The following LONRF2 variants were observed in gnomAD, a reference collection of about 807,000 sequenced individuals.
The protein encoded by LONRF2 is LON peptidase N-terminal domain and ring finger 2.
Under a neutral mutation model 66.6 loss-of-function variants are expected in LONRF2, and 35 were observed. That is an observed-to-expected ratio of 0.53 (90% CI 0.40 to 0.70). The LOEUF (loss-of-function observed/expected upper bound fraction) is 0.70, where lower values mean the gene tolerates loss of function less well. Ranked by LOEUF, LONRF2 falls within the 30% of genes least tolerant of loss-of-function variation. LONRF2 has a pLI of 0.00. For synonymous variants in LONRF2, 417 were observed against 418.1 expected, an observed-to-expected ratio of 1.00 and a Z score of 0.03; for missense variants, 902 against 1,002.1, an observed-to-expected ratio of 0.90 and a Z score of 1.35.
chr2:100,319,933 T>A (rs1009985396), intron 1 of LONRF2, among the ~76,000 whole-genome samples: 3 of 152,232 alleles, frequency 2.0e-5, no homozygotes, highest in African/African-American at 7.2e-5. Flanking sequence ...TGCAGTCCCA[T>A]TAGCAGCATA....
intron 1 of LONRF2, among the ~76,000 whole-genome samples, chr2:100,320,092 A>G (rs774917231): frequency 6.0e-4 from 92 of 152,228 alleles, no homozygotes; most frequent in Non-Finnish European, 1.0e-3. Flanking sequence ...AAAAAGTAAA[A>G]TCTCAATTAT....
chr2:100,291,375 G>C (rs1674956545), intron 9 of LONRF2, among the ~76,000 whole-genome samples: 1 of 152,012 alleles, frequency 6.6e-6, no homozygotes, highest in African/African-American at 2.4e-5. Flanking sequence ...TGCTGGTGCT[G>C]GTTGCTGGGG....
chr2:100,319,428 G>A lies in LONRF2; in HGVS notation c.679+1987C>T, dbSNP rs115528108. 2.9e-3 allele frequency among the ~76,000 whole-genome samples: 448 copies of A among 152,232 alleles called. 2 individuals are homozygous for A. Among genetic ancestry groups the A allele is most frequent in the African/African-American group, 0.01 (431 of 41,536 alleles). The stretch of plus-strand genomic sequence containing the variant: ...GAACTATTGCAAAGTGAACACACTT[G>A]TGTATCCATCCCCTAAATCATGAAA... On this transcript the variant is annotated intron_variant, in intron 1 of 11. Coordinates refer to ENST00000393437, the MANE Select transcript of LONRF2 (RefSeq NM_198461.4).
At chr2:100,290,675 G>A (rs13400045) in intron 9 of LONRF2, among the ~76,000 whole-genome samples, 42,877 of 151,722 alleles carry the variant, frequency 0.28, 7,069 homozygotes, top group East Asian at 0.45. Flanking sequence ...CGGTTCCAAC[G>A]GGCTAGTGTT....
At position 100,322,212 on chromosome 2, in the gene LONRF2, T is replaced by G; in HGVS notation, c.-119A>C. On this transcript the variant is annotated 5_prime_UTR_variant, in exon 1 of 12. Coordinates refer to ENST00000393437, the MANE Select transcript of LONRF2 (RefSeq NM_198461.4). ...CAGCCCTCGCCAGCAGCCACGCGCGTCTGGGGGCGGCGCGCTGCGAGCGGC... is the reference window on the plus strand; with the variant it reads ...CAGCCCTCGCCAGCAGCCACGCGCGGCTGGGGGCGGCGCGCTGCGAGCGGC... The G allele has an allele frequency of 1.0e-6, 1 of 1,004,268 alleles. No individual in the cohort carries two copies. Among genetic ancestry groups the G allele is most frequent in the East Asian group, 4.1e-5 (1 of 24,228 alleles). 62.2% of individuals were successfully genotyped at this position (1,004,268 alleles called of 1,614,324 possible). A position where few individuals can be genotyped will look rare whatever the true frequency, so the allele number is the denominator to read the frequency against.
At chr2:100,319,260 T>G (rs1446154283) in intron 1 of LONRF2, among the ~76,000 whole-genome samples, 1 of 152,240 alleles carries the variant, frequency 6.6e-6, no homozygotes, top group Non-Finnish European at 1.5e-5. Context: ...TTCATAAAAT[T>G]TTAAGCTAAT....
chr2:100,297,555 T>A (rs773561534), intron 7 of LONRF2, among the ~76,000 whole-genome samples: 14 of 152,166 alleles, frequency 9.2e-5, no homozygotes, highest in Admixed American at 8.5e-4. Flanking sequence ...CACACATACA[T>A]GCATTTTATT....
In LONRF2 at chr2:100,276,500, C is replaced by G. The variant is rs1674603966; in HGVS notation, c.*7798G>C. On this transcript the variant is annotated 3_prime_UTR_variant, in exon 12 of 12. Transcript: ENST00000393437. ...TCAGTCTTTGGCAGTTATAAACTAG[C>G]TTGATAAAATGATGCCCCATGGACC... The G allele has an allele frequency of 6.6e-6, 1 of 152,094 alleles. No individual in the cohort carries two copies. The highest frequency in any genetic ancestry group is 6.6e-5 in the Admixed American group (1 of 15,266). 9.4% of individuals were successfully genotyped at this position (152,094 alleles called of 1,614,324 possible).
intron 2 of LONRF2, 138 bp from the exon 3 acceptor site, chr2:100,303,181 G>T: frequency 1.1e-6 from 1 of 877,580 alleles, no homozygotes; most frequent in Non-Finnish European, 1.7e-6. Context: ...GCCCATCAAA[G>T]GATGACTCTA....
intron 1 of LONRF2, among the ~76,000 whole-genome samples, chr2:100,311,463 T>G (rs1675407635): frequency 6.6e-6 from 1 of 152,138 alleles, no homozygotes; most frequent in African/African-American, 2.4e-5. Context: ...TCATATCCTG[T>G]TTCCACTTGG....
Position 100,294,324 on chromosome 2 carries a change from G to A in LONRF2, c.1662C>T (p.Leu554=), listed in dbSNP as rs764846193. 13 of 1,609,628 alleles carry A rather than the reference G, an allele frequency of 8.1e-6. No homozygotes were observed. Among genetic ancestry groups the A allele is most frequent in the African/African-American group, 4.0e-5 (3 of 74,686 alleles). ...GCCGATAGCGGGGCTCAAAAACGTG[G>A]AGTGGACATGGGACCGTGGGGAAGG... ...AMAFPTVPCP[L]HVFEPRYRLM... The change falls in exon 9 of 12, where the codon CTC becomes CTT. Residue 554 remains leucine (L), a synonymous_variant. Transcript: ENST00000393437.
chr2:100,297,149 G>C (rs1314125489), intron 7 of LONRF2, among the ~76,000 whole-genome samples: 1 of 150,704 alleles, frequency 6.6e-6, no homozygotes, highest in Non-Finnish European at 1.5e-5. Flanking sequence ...TTCTTTTTGA[G>C]ACAGAGTCTC....
rs999310931 is a variant in LONRF2, at chr2:100,276,173, A to G, written c.*8125T>C. 3 of 152,206 alleles carry G rather than the reference A, an allele frequency of 2.0e-5. No homozygotes were observed. Among genetic ancestry groups the G allele is most frequent in the African/African-American group, 7.2e-5 (3 of 41,452 alleles). 9.4% of individuals were successfully genotyped at this position (152,206 alleles called of 1,614,324 possible). ...GGTGCCTATTGGCTTTTGTGTCTCCATAACTTAGGTTCTAAATTAATTGTA... is the reference window on the plus strand; with the variant it reads ...GGTGCCTATTGGCTTTTGTGTCTCCGTAACTTAGGTTCTAAATTAATTGTA... On this transcript the variant is annotated 3_prime_UTR_variant, in exon 12 of 12. Coordinates refer to ENST00000393437, the MANE Select transcript of LONRF2 (RefSeq NM_198461.4).
Position 100,281,089 on chromosome 2 carries a change from G to A in LONRF2, c.*3209C>T, listed in dbSNP as rs2105709671. ...TTATAACAAATTCTATGTAACACAGGCAATGGAGTATTTCGATGGTAGCAA... is the reference window on the plus strand; with the variant it reads ...TTATAACAAATTCTATGTAACACAGACAATGGAGTATTTCGATGGTAGCAA... On this transcript the variant is annotated 3_prime_UTR_variant, in exon 12 of 12. Transcript: ENST00000393437. The A allele has an allele frequency of 6.6e-6, 1 of 152,228 alleles. No homozygotes were observed. Among genetic ancestry groups the A allele is most frequent in the East Asian group, 1.9e-4 (1 of 5,166 alleles). 9.4% of individuals were successfully genotyped at this position (152,228 alleles called of 1,614,324 possible).
In LONRF2 at chr2:100,321,595, C is replaced by T. The variant is rs749677779; in HGVS notation, c.499G>A (p.Val167Met). 8 of 1,524,532 alleles carry T rather than the reference C, an allele frequency of 5.2e-6. No individual in the cohort carries two copies. The Admixed American group carries it at 8.2e-5, about 16-fold the overall frequency. The allele number at this position is 1,524,532 out of a possible 1,614,324, so 94.4% of individuals were successfully genotyped here. A position where few individuals can be genotyped will look rare whatever the true frequency, so the allele number is the denominator to read the frequency against. The change falls in exon 1 of 12, where the codon GTG (valine) becomes ATG (methionine). Residue 167 changes from valine to methionine, a missense_variant. Physicochemically the swap from Val to Met is conservative, Grantham distance 21 (BLOSUM62 1). Coordinates refer to ENST00000393437, the MANE Select transcript of LONRF2 (RefSeq NM_198461.4). ...PCGLTVCKRCVEPGPARPQVR... is the reference protein window; with the variant it reads ...PCGLTVCKRCMEPGPARPQVR... ...TGCGGCCGCGCGGGCCCTGGCTCCACGCAGCGCTTGCAGACTGTGAGCCCG... is the reference window on the plus strand; with the variant it reads ...TGCGGCCGCGCGGGCCCTGGCTCCATGCAGCGCTTGCAGACTGTGAGCCCG...
rs1388623084 is a variant in LONRF2, at chr2:100,290,312, G to C, written c.1866C>G (p.His622Gln). 6.2e-7 allele frequency: 1 copy of C among 1,614,044 alleles called. No individual in the cohort carries two copies. The highest frequency in any genetic ancestry group is 8.5e-7 in the Non-Finnish European group (1 of 1,180,034). The change falls in exon 10 of 12, where the codon CAC becomes CAG. Residue 622 changes from histidine to glutamine, a missense_variant. Coordinates refer to ENST00000393437, the MANE Select transcript of LONRF2 (RefSeq NM_198461.4). Reference protein sequence around the residue: ...IGISRFRVLSHRHRDGYNTAD... With the variant: ...IGISRFRVLSQRHRDGYNTAD... ...CTGTGTTATAGCCATCTCTGTGGCG[G>C]TGGCTTAGCACTCGGAACCGACTGA...
At chr2:100,301,989 A>T (rs921404472) in intron 3 of LONRF2, among the ~76,000 whole-genome samples, 1 of 152,252 alleles carries the variant, frequency 6.6e-6, no homozygotes, top group Non-Finnish European at 1.5e-5. Context: ...AACGCCAATC[A>T]ATTGCACAAG....
rs2104227363 is a variant in LONRF2 at position 100,322,184 on chromosome 2, T to C, written c.-91A>G. 8.8e-7 allele frequency: 1 copy of C among 1,130,504 alleles called. No homozygotes were observed. Among genetic ancestry groups the C allele is most frequent in the Non-Finnish European group, 1.1e-6 (1 of 917,560 alleles). The allele number at this position is 1,130,504 out of a possible 1,614,324, so 70.0% of individuals were successfully genotyped here. ...TGGGAACTGGCCGGCGGGAGCGCGG[T>C]CTCAGCCCTCGCCAGCAGCCACGCG... On this transcript the variant is annotated 5_prime_UTR_variant, in exon 1 of 12. Coordinates refer to ENST00000393437, the MANE Select transcript of LONRF2 (RefSeq NM_198461.4).
chr2:100,310,669 T>G (rs13020451), intron 1 of LONRF2, among the ~76,000 whole-genome samples: 77,425 of 152,054 alleles, frequency 0.51, 20,078 homozygotes, highest in East Asian at 0.76. Flanking sequence ...AATACAATTT[T>G]AATTATTAAG....
Sources: gnomAD v4.1 joint callset for allele counts (sites outside exome capture counted in the v4.1 genomes callset) on GRCh38, gnomAD v4.1.1 for gene constraint, MANE v1.5 for transcripts, NCBI Gene and HGNC (gene_info 2026-07-23, HGNC 2026-07-21) for gene names.